Variants in LRRC56 observed in about 807,000 individuals in gnomAD.
LRRC56 encodes leucine rich repeat containing 56, also known as leucine-rich repeat-containing protein 56.
A neutral mutation model predicts 47.8 loss-of-function variants in LRRC56; 41 were observed. The ratio of observed to expected loss-of-function variants is 0.86; its 90% CI spans 0.67 to 1.11. The LOEUF is 1.11. Ranked by LOEUF, LRRC56 falls within the 50% of genes most tolerant of loss-of-function variation. The pLI is 0.00. For missense variants in LRRC56, 759 were observed against 704.2 expected (o/e 1.08, Z -0.88); for synonymous variants, 387 against 311.2 (o/e 1.24, Z -2.56).
the LRRC56 span, among the ~76,000 whole-genome samples, chr11:524,286 A>T: frequency 6.6e-6 from 1 of 152,324 alleles, no homozygotes; most frequent in Admixed American, 6.5e-5. Context: ...ACGGACGCAC[A>T]CAAATATGGC....
chr11:536,082 G>GCCGCGCACCCCACCTACCA (rs1362337183), upstream of LRRC56, among the ~76,000 whole-genome samples: 1 of 152,224 alleles, frequency 6.6e-6, no homozygotes, highest in Non-Finnish European at 1.5e-5. Context: ...AGGTGGAGCG[G>GCCGCGCACCCCACCTACCA]CCGCGCACCC....
rs111480455 is a variant in LRRC56, at chr11:551,670, C to T, written c.816C>T (p.Pro272=). Residue 272 remains proline, a synonymous_variant, in exon 10 of 14, where the codon CCC becomes CCT. Coordinates refer to ENST00000270115, the MANE Select transcript of LRRC56 (RefSeq NM_198075.4). ...LPPLDCPRGA[P]IRRLDPELSL... ...GGGCAGACTGTCCCCGTGGAGCCCC[C>T]ATCCGGAGACTTGACCCCGAGCTGT... 18 of 1,585,930 alleles carry T rather than the reference C, an allele frequency of 1.1e-5. No homozygotes were observed. In the African/African-American group the frequency reaches 1.8e-4, roughly 16 times the overall value.
chr11:534,285 C>G (rs104894226), upstream of LRRC56: 1 of 1,613,404 alleles, frequency 6.2e-7, no homozygotes, highest in Non-Finnish European at 8.5e-7. Flanking sequence ...CTTGCCCACA[C>G]CGCCGGCGCC....
intron 8 of LRRC56, among the ~76,000 whole-genome samples, 158 bp from the exon 9 acceptor site, chr11:550,973 T>G (rs1852351071): frequency 6.6e-6 from 1 of 151,844 alleles, no homozygotes; most frequent in South Asian, 2.1e-4. Context: ...GGTGTGAGAG[T>G]GACCCAAGCC....
At chr11:507,180 G>A in the LRRC56 span, 2 of 152,210 alleles carry the variant, frequency 1.3e-5, no homozygotes, top group Non-Finnish European at 2.9e-5. Context: ...TCGTTCTCGA[G>A]CCAGCAGAAC....
At chr11:524,920 A>C in the LRRC56 span, among the ~76,000 whole-genome samples, 1 of 149,142 alleles carries the variant, frequency 6.7e-6, no homozygotes, top group African/African-American at 2.5e-5. Flanking sequence ...GTGAAACCCT[A>C]TCTCTACTAA....
intron 13 of LRRC56, 98 bp downstream of exon 13, chr11:552,800 C>T (rs891964697): frequency 1.9e-5 from 20 of 1,036,260 alleles, no homozygotes; most frequent in Admixed American, 8.0e-5. Flanking sequence ...GTCAACCTGG[C>T]CCTGCTTCCT....
In LRRC56 at chr11:547,423, G is replaced by A. The variant is rs184451303; in HGVS notation, c.327-2479G>A. Among the ~76,000 whole-genome samples the A allele has an allele frequency of 3.3e-3, 502 of 151,508 alleles. 3 individuals carry two copies. Among genetic ancestry groups the A allele is most frequent in the African/African-American group, 0.012 (477 of 41,312 alleles). On this transcript the variant is annotated intron_variant, in intron 6 of 13. Coordinates refer to ENST00000270115, the MANE Select transcript of LRRC56 (RefSeq NM_198075.4). ...GGCTGGAGTGCAGTGGCGCAATCTCGGCTCACTGCAATCTCGCCTCCCGGG... is the reference window on the plus strand; with the variant it reads ...GGCTGGAGTGCAGTGGCGCAATCTCAGCTCACTGCAATCTCGCCTCCCGGG...
the LRRC56 span, among the ~76,000 whole-genome samples, chr11:531,146 GGAGTGTGGCGTCCCCTGGAGAGAAGGGC>G: frequency 1.4e-5 from 2 of 142,666 alleles, no homozygotes; most frequent in East Asian, 2.1e-4. Flanking sequence ...GACAGAAGGG[GGAGTGTGGCGTCCCCTGGAGAGAAGGGC>G]GAGTGTGGTG....
At chr11:520,502 A>T in the LRRC56 span, among the ~76,000 whole-genome samples, 1 of 151,960 alleles carries the variant, frequency 6.6e-6, no homozygotes, top group Non-Finnish European at 1.5e-5. Context: ...TATTTTCAGT[A>T]GGGACGGGGT....
the LRRC56 span, among the ~76,000 whole-genome samples, chr11:530,286 C>T: frequency 2.2e-4 from 33 of 152,356 alleles, no homozygotes; most frequent in South Asian, 6.6e-3. Flanking sequence ...CTGCATCTGA[C>T]GCCCCCAGCA....
At chr11:509,752 A>T in the LRRC56 span, among the ~76,000 whole-genome samples, 126 of 143,786 alleles carry the variant, frequency 8.8e-4, no homozygotes, top group South Asian at 2.7e-3. Flanking sequence ...TTTAATAGAG[A>T]CAGGGTTTCA....
intron 6 of LRRC56, among the ~76,000 whole-genome samples, chr11:547,402 G>A (rs1322941920): frequency 4.6e-5 from 7 of 150,590 alleles, no homozygotes; most frequent in Non-Finnish European, 7.4e-5. Context: ...TGCCCAGGCT[G>A]GAGTGCAGTG....
At chr11:524,483 TAGTC>T in the LRRC56 span, among the ~76,000 whole-genome samples, 3 of 151,526 alleles carry the variant, frequency 2.0e-5, no homozygotes, top group Non-Finnish European at 4.4e-5. Flanking sequence ...AATACAAAAT[TAGTC>T]AGGCATGGTC....
chr11:547,644 G>T (rs6598013), intron 6 of LRRC56, among the ~76,000 whole-genome samples: 3 of 151,704 alleles, frequency 2.0e-5, no homozygotes, highest in Admixed American at 2.0e-4. Context: ...GAGCCACCAC[G>T]CCCGGCCAGA....
the LRRC56 span, among the ~76,000 whole-genome samples, chr11:521,504 T>C: frequency 6.6e-6 from 1 of 152,138 alleles, no homozygotes; most frequent in South Asian, 2.1e-4. Context: ...GGACGGGATT[T>C]TGCCATGTTT....
Position 537,605 on chromosome 11 carries a change from G to C in LRRC56, c.-422G>C, listed in dbSNP as rs1304033513. Reference sequence around the variant, plus strand: ...GCCGGACACCTAGGCTGAGCCCTCAGGTGAGAGCCGAGCGCACCCTTGGGG... The same window carrying C: ...GCCGGACACCTAGGCTGAGCCCTCACGTGAGAGCCGAGCGCACCCTTGGGG... On this transcript the variant is annotated splice_region_variant and 5_prime_UTR_variant, in exon 1 of 14. Transcript: ENST00000270115. 6.6e-6 allele frequency: 1 copy of C among 152,306 alleles called. No individual in the cohort carries two copies. Among genetic ancestry groups the C allele is most frequent in the Non-Finnish European group, 1.5e-5 (1 of 68,084 alleles). The allele number at this position is 152,306 out of a possible 1,614,324, so 9.4% of individuals were successfully genotyped here. A position where few individuals can be genotyped will look rare whatever the true frequency, so the allele number is the denominator to read the frequency against.
Position 540,664 on chromosome 11 carries a change from C to G in LRRC56, c.-11-10C>G. On this transcript the variant is annotated splice_polypyrimidine_tract_variant and intron_variant, in intron 3 of 13. Coordinates refer to ENST00000270115, the MANE Select transcript of LRRC56 (RefSeq NM_198075.4). ...CAGCGTGGAGCTTTGCACTGTGCCT[C>G]TGTCAGCAGGTGACATGTGAATGGA... The G allele has an allele frequency of 6.2e-7, 1 of 1,610,156 alleles. No individual in the cohort carries two copies. Among genetic ancestry groups the G allele is most frequent in the East Asian group, 2.2e-5 (1 of 44,798 alleles).
rs559244590 is a variant in LRRC56, at chr11:551,397, T to C, written c.796+95T>C. On this transcript the variant is annotated intron_variant, in intron 9 of 13. Transcript: ENST00000270115. ...GGCTTCTCAGAAACGGATAGCCACA[T>C]CTCATGCGCTTCTCCAGCCTTGACC... is the stretch of plus-strand genomic sequence containing the variant. 65 of 894,314 alleles carry C rather than the reference T, an allele frequency of 7.3e-5. No homozygotes were observed. The African/African-American group carries it at 1.1e-3, about 15-fold the overall frequency. The allele number at this position is 894,314 out of a possible 1,614,324, so 55.4% of individuals were successfully genotyped here. A position where few individuals can be genotyped will look rare whatever the true frequency, so the allele number is the denominator to read the frequency against.
Sources: gnomAD v4.1 joint callset for allele counts (sites outside exome capture counted in the v4.1 genomes callset) on GRCh38, gnomAD v4.1.1 for gene constraint, MANE v1.5 for transcripts, NCBI Gene and HGNC (gene_info 2026-07-23, HGNC 2026-07-21) for gene names.